Variants in SMARCC1 observed in about 807,000 individuals in gnomAD.
SMARCC1 encodes SWI/SNF related BAF chromatin remodeling complex subunit C1.
In SMARCC1, 43 loss-of-function variants were observed where a neutral mutation model predicts 147.4. That is an observed-to-expected ratio of 0.29 (90% CI 0.23 to 0.38). The LOEUF (loss-of-function observed/expected upper bound fraction) is 0.38. Among genes scored for constraint, SMARCC1 ranks in the 10% least tolerant of loss-of-function variants. The probability of loss-of-function intolerance (pLI) is 1.00; values close to 1 mark genes in which losing one functional copy is unlikely to be tolerated. For synonymous variants in SMARCC1, 495 were observed against 484.4 expected, an observed-to-expected ratio of 1.02 and a Z score of -0.29; for missense variants, 1,119 against 1,381.1, an observed-to-expected ratio of 0.81 and a Z score of 3.01.
intron 9 of SMARCC1, among the ~76,000 whole-genome samples, chr3:47,709,669 G>C (rs2034061001): frequency 6.6e-6 from 1 of 152,136 alleles, no homozygotes; most frequent in Non-Finnish European, 1.5e-5. Flanking sequence ...CTGGGCAACA[G>C]AGTGAGAATC....
intron 21 of SMARCC1, among the ~76,000 whole-genome samples, chr3:47,659,233 T>C (rs562870755): frequency 2.8e-4 from 40 of 144,254 alleles, no homozygotes; most frequent in African/African-American, 9.7e-4. Context: ...AAGAATTAAC[T>C]CCAATGCTCC....
At chr3:47,663,748 G>A in intron 19 of SMARCC1, 1 of 1,518,252 alleles carries the variant, frequency 6.6e-7, no homozygotes, top group Non-Finnish European at 9.2e-7. Context: ...AGACCCACGA[G>A]AACCCGGTGG....
chr3:47,626,512 A>T (rs1329821185), intron 24 of SMARCC1, among the ~76,000 whole-genome samples: 1 of 151,940 alleles, frequency 6.6e-6, no homozygotes, highest in Non-Finnish European at 1.5e-5. Context: ...AAGAAAAAAG[A>T]GACGAGTAAA....
At chr3:47,593,534 A>G (rs1037338963) in intron 26 of SMARCC1, among the ~76,000 whole-genome samples, 2 of 152,222 alleles carry the variant, frequency 1.3e-5, no homozygotes, top group Non-Finnish European at 2.9e-5. Flanking sequence ...GAATCAATGT[A>G]GTTTTTCTTT....
At chr3:47,658,563 G>C (rs377151438) in intron 21 of SMARCC1, among the ~76,000 whole-genome samples, 14 of 152,198 alleles carry the variant, frequency 9.2e-5, no homozygotes, top group South Asian at 8.3e-4. Flanking sequence ...CTTACCAAAT[G>C]TTTCAAAATT....
At chr3:47,589,840 A>C (rs546804771) in intron 27 of SMARCC1, among the ~76,000 whole-genome samples, 1 of 152,336 alleles carries the variant, frequency 6.6e-6, no homozygotes, top group African/African-American at 2.4e-5. Flanking sequence ...ACAGAGCAAG[A>C]ATTCTTATGC....
At chr3:47,653,400 A>T (rs938810336) in intron 21 of SMARCC1, among the ~76,000 whole-genome samples, 2 of 152,256 alleles carry the variant, frequency 1.3e-5, no homozygotes, top group African/African-American at 4.8e-5. Flanking sequence ...GTATGATTTT[A>T]CCATAGTTAA....
At chr3:47,723,556 G>A (rs1164551947) in intron 6 of SMARCC1, among the ~76,000 whole-genome samples, 2 of 151,982 alleles carry the variant, frequency 1.3e-5, no homozygotes, top group East Asian at 1.9e-4. Flanking sequence ...GCTCACACCT[G>A]TAACCCCAGC....
intron 5 of SMARCC1, among the ~76,000 whole-genome samples, chr3:47,734,563 G>A (rs1242137646): frequency 6.6e-6 from 1 of 152,174 alleles, no homozygotes; most frequent in Non-Finnish European, 1.5e-5. Context: ...CATAAAGAAT[G>A]TTTCAGGAAA....
intron 21 of SMARCC1, among the ~76,000 whole-genome samples, chr3:47,653,515 A>G (rs1051959808): frequency 3.3e-5 from 5 of 152,118 alleles, no homozygotes; most frequent in African/African-American, 1.2e-4. Flanking sequence ...ATCCTATATC[A>G]CTCGGTTTCA....
At chr3:47,732,597 G>A (rs962843458) in intron 5 of SMARCC1, among the ~76,000 whole-genome samples, 1 of 152,046 alleles carries the variant, frequency 6.6e-6, no homozygotes, top group Admixed American at 6.6e-5. Flanking sequence ...GCCATTGTAG[G>A]GTTATTAATT....
chr3:47,647,943 ACT>A (rs1327300822), intron 21 of SMARCC1, among the ~76,000 whole-genome samples: 2 of 152,176 alleles, frequency 1.3e-5, no homozygotes, highest in Non-Finnish European at 2.9e-5. Context: ...CTTCAATCAC[ACT>A]GTTTTACATA....
chr3:47,601,047 G>GAGAGAGAGAGAA, intron 26 of SMARCC1, among the ~76,000 whole-genome samples: 1 of 141,584 alleles, frequency 7.1e-6, no homozygotes, highest in African/African-American at 2.7e-5. Flanking sequence ...GAGAGAGAGA[G>GAGAGAGAGAGAA]ACATGGCATC....
At chr3:47,648,317 TC>T (rs1425509827) in intron 21 of SMARCC1, among the ~76,000 whole-genome samples, 3 of 152,130 alleles carry the variant, frequency 2.0e-5, no homozygotes, top group Non-Finnish European at 4.4e-5. Context: ...TTTTCTATGT[TC>T]AGCTCAAATA....
chr3:47,698,514 A>T (rs142551628), intron 11 of SMARCC1, among the ~76,000 whole-genome samples: 14 of 152,158 alleles, frequency 9.2e-5, no homozygotes, highest in African/African-American at 3.4e-4. Context: ...ATGATTTTTT[A>T]AAAAGCAATA....
chr3:47,689,543 A>T (rs150633731), intron 12 of SMARCC1, 119 bp from the exon 13 acceptor site: 71 of 786,016 alleles, frequency 9.0e-5, no homozygotes, highest in Non-Finnish European at 1.5e-4. Flanking sequence ...ATAGTGCATT[A>T]TTAAAGCAAA....
At chr3:47,682,162 T>G (rs1291060012) in intron 14 of SMARCC1, among the ~76,000 whole-genome samples, 3 of 151,602 alleles carry the variant, frequency 2.0e-5, no homozygotes, top group African/African-American at 4.8e-5. Context: ...GGGCATGGTG[T>G]TGGGTGCCTG....
intron 24 of SMARCC1, among the ~76,000 whole-genome samples, chr3:47,626,206 GCA>G (rs2032806842): frequency 6.6e-6 from 1 of 151,788 alleles, no homozygotes; most frequent in Non-Finnish European, 1.5e-5. Flanking sequence ...GAGTACAGTA[GCA>G]TGATCTCGGC....
chr3:47,674,483 A>G (rs1352257293), intron 18 of SMARCC1, among the ~76,000 whole-genome samples: 4 of 152,182 alleles, frequency 2.6e-5, no homozygotes, highest in Non-Finnish European at 4.4e-5. Flanking sequence ...TTTTTGTTGA[A>G]AAGTCAGCTA....
Sources: allele counts gnomAD v4.1 joint callset (sites outside exome capture counted in the v4.1 genomes callset), GRCh38; gene constraint gnomAD v4.1.1; transcripts MANE v1.5; gene names NCBI Gene and HGNC (gene_info 2026-07-23, HGNC 2026-07-21).